RIN2: variants seen among roughly 807,000 people sequenced by gnomAD.
RIN2 encodes the protein RAB5 interacting protein 2.
A neutral mutation model predicts 78.0 loss-of-function variants in RIN2; 36 were observed. The observed-to-expected ratio is 0.46, with a 90% CI of 0.35 to 0.61. RIN2 has a LOEUF of 0.61. RIN2 is among the 20% of genes least tolerant of loss of function. RIN2 has a pLI of 0.00. For synonymous variants in RIN2, 466 were observed against 466.8 expected (o/e 1.00, Z 0.02); for missense variants, 1,087 against 1,159.7 (o/e 0.94, Z 0.91).
At chr20:19,831,208 G>A (rs1196031945) in intron 2 of RIN2, among the ~76,000 whole-genome samples, 1 of 152,216 alleles carries the variant, frequency 6.6e-6, no homozygotes, top group Non-Finnish European at 1.5e-5. Flanking sequence ...GCAAGGAGAT[G>A]TCTGGTACTT....
intron 1 of RIN2, among the ~76,000 whole-genome samples, chr20:19,777,215 A>C (rs1188563019): frequency 6.6e-6 from 1 of 152,202 alleles, no homozygotes; most frequent in Non-Finnish European, 1.5e-5. Context: ...AGGGAAGGGC[A>C]CAGGTGGAAC....
intron 2 of RIN2, among the ~76,000 whole-genome samples, chr20:19,867,207 A>G (rs1436993289): frequency 6.6e-6 from 1 of 152,072 alleles, no homozygotes; most frequent in Admixed American, 6.6e-5. Flanking sequence ...GCTCATGTGC[A>G]CACACACACA....
chr20:19,975,325 A>G lies in RIN2; in HGVS notation c.1300A>G (p.Ile434Val). ...GGRQRLSDMS[I>V]STSSSDSLEF... ...CCGGCAGCGGCTGAGCGACATGAGC[A>G]TTTCTACTTCCTCCTCCGACTCGCT... Residue 434 changes from isoleucine to valine, a missense_variant, in exon 9 of 13, where the codon ATT becomes GTT. This residue lies in a region of RIN2 where 706 missense variants were observed against 667.5 expected (regional missense o/e 1.06). Transcript: ENST00000255006. The surrounding 1 kb of genome is among the most constrained non-coding windows in gnomAD (Gnocchi z 4.9). The G allele has an allele frequency of 6.2e-7, 1 of 1,611,064 alleles. No homozygotes were observed. The highest frequency in any genetic ancestry group is 8.5e-7 in the Non-Finnish European group (1 of 1,178,714).
intron 5 of RIN2, among the ~76,000 whole-genome samples, chr20:19,960,054 C>T (rs568788437): frequency 3.3e-5 from 5 of 152,304 alleles, no homozygotes; most frequent in South Asian, 2.1e-4. Flanking sequence ...CCATGTCCAC[C>T]GGGGTGAACT....
At chr20:19,775,975 T>C (rs781162942) in intron 1 of RIN2, among the ~76,000 whole-genome samples, 1 of 152,278 alleles carries the variant, frequency 6.6e-6, no homozygotes, top group Non-Finnish European at 1.5e-5. Flanking sequence ...TTTTGTGATG[T>C]GTATAGCTTA....
intron 2 of RIN2, among the ~76,000 whole-genome samples, chr20:19,879,401 C>A (rs749418839): frequency 6.6e-6 from 1 of 152,110 alleles, no homozygotes; most frequent in African/African-American, 2.4e-5. Context: ...TACCTGTTAT[C>A]GGCACATTTA....
At chr20:19,816,562 G>T (rs1273392191) in intron 2 of RIN2, among the ~76,000 whole-genome samples, 2 of 152,178 alleles carry the variant, frequency 1.3e-5, no homozygotes, top group African/African-American at 4.8e-5. Flanking sequence ...TTTTTGCCTT[G>T]CTAGGCCTCG....
At chr20:19,919,164 C>G (rs1362739763) in intron 3 of RIN2, among the ~76,000 whole-genome samples, 2 of 152,130 alleles carry the variant, frequency 1.3e-5, no homozygotes, top group Non-Finnish European at 2.9e-5. Flanking sequence ...AGATGCCGTG[C>G]GAGAGTCCCG....
intron 2 of RIN2, among the ~76,000 whole-genome samples, chr20:19,880,389 ATTCT>A (rs2037987464): frequency 8.0e-6 from 1 of 124,242 alleles, no homozygotes; most frequent in African/African-American, 3.2e-5. Flanking sequence ...AGAGGAAGTC[ATTCT>A]TTTTTTTTTT....
intron 1 of RIN2, among the ~76,000 whole-genome samples, chr20:19,759,561 G>A (rs2033546588): frequency 6.6e-6 from 1 of 152,202 alleles, no homozygotes; most frequent in Non-Finnish European, 1.5e-5. Flanking sequence ...ACAGGTGGGT[G>A]TTGTTAGAAC....
chr20:19,800,205 C>T (rs1303776989), intron 2 of RIN2, among the ~76,000 whole-genome samples: 1 of 152,170 alleles, frequency 6.6e-6, no homozygotes, highest in East Asian at 1.9e-4. Flanking sequence ...CTTCAGTTCC[C>T]ACCACCTTGC....
intron 3 of RIN2, among the ~76,000 whole-genome samples, chr20:19,901,994 CGACAGAACGAGACTCTG>C (rs2039005268): frequency 8.4e-6 from 1 of 119,694 alleles, no homozygotes; most frequent in Non-Finnish European, 1.6e-5. Flanking sequence ...TCAGCCTGGG[CGACAGAACGAGACTCTG>C]TCTCAAAAAA....
At chr20:19,851,022 G>A (rs999622963) in intron 2 of RIN2, among the ~76,000 whole-genome samples, 6 of 119,674 alleles carry the variant, frequency 5.0e-5, no homozygotes, top group African/African-American at 2.0e-4. Flanking sequence ...AGGAAGGAAG[G>A]AAGGAAGGAA....
chr20:19,889,265 T>C, intron 2 of RIN2: 1 of 1,071,342 alleles, frequency 9.3e-7, no homozygotes, highest in African/African-American at 1.7e-5. Flanking sequence ...ATTGGGTCTG[T>C]TCACATTTCA....
chr20:19,820,657 T>A (rs1300846267), intron 2 of RIN2, among the ~76,000 whole-genome samples: 1 of 152,136 alleles, frequency 6.6e-6, no homozygotes, highest in African/African-American at 2.4e-5. Flanking sequence ...GCCAGGCCAG[T>A]CTTCCTGGGC....
At chr20:19,896,994 T>C (rs924380618) in intron 3 of RIN2, among the ~76,000 whole-genome samples, 11 of 152,144 alleles carry the variant, frequency 7.2e-5, no homozygotes, top group Non-Finnish European at 1.3e-4. Flanking sequence ...TTGACAAAAA[T>C]GGTATATATT....
At chr20:19,972,689 T>C in intron 8 of RIN2, among the ~76,000 whole-genome samples, 1 of 152,118 alleles carries the variant, frequency 6.6e-6, no homozygotes, top group Non-Finnish European at 1.5e-5. Flanking sequence ...GCCAATGAGA[T>C]TTGTAGTTTA....
chr20:19,928,765 C>T (rs1280421734), intron 3 of RIN2, among the ~76,000 whole-genome samples: 1 of 152,140 alleles, frequency 6.6e-6, no homozygotes, highest in South Asian at 2.1e-4. Context: ...CAACCCCTGA[C>T]CTGCCTTCCT....
chr20:19,959,657 A>T (rs8120472), intron 5 of RIN2, among the ~76,000 whole-genome samples: 25,637 of 152,202 alleles, frequency 0.17, 2,675 homozygotes, highest in East Asian at 0.48. Context: ...ATGAAAGGCT[A>T]TAGAAAGGTA....
Sources: allele counts gnomAD v4.1 joint callset (sites outside exome capture counted in the v4.1 genomes callset), GRCh38; gene constraint gnomAD v4.1.1; regional missense constraint gnomAD v4.1.1; non-coding constraint Gnocchi (gnomAD v3.1); transcripts MANE v1.5; gene names NCBI Gene and HGNC (gene_info 2026-07-23, HGNC 2026-07-21).